Variants in PDE7A observed in about 807,000 individuals in gnomAD.
PDE7A encodes high affinity 3',5'-cyclic-AMP phosphodiesterase 7A.
A neutral mutation model predicts 64.3 loss-of-function variants in PDE7A; 39 were observed. The observed-to-expected ratio is 0.61, with a 90% CI of 0.47 to 0.79. The LOEUF (loss-of-function observed/expected upper bound fraction) is 0.79. PDE7A is among the 30% of genes least tolerant of loss of function. The probability of loss-of-function intolerance (pLI) is 0.00; values close to 1 mark genes in which losing one functional copy is unlikely to be tolerated. For missense variants in PDE7A, 470 were observed against 582.8 expected, an observed-to-expected ratio of 0.81 and a Z score of 1.99; for synonymous variants, 203 against 206.8, an observed-to-expected ratio of 0.98 and a Z score of 0.16.
At chr8:65,800,121 C>T (rs947653466) in intron 1 of PDE7A, among the ~76,000 whole-genome samples, 2 of 152,310 alleles carry the variant, frequency 1.3e-5, no homozygotes, top group African/African-American at 2.4e-5. Flanking sequence ...AAAATAACAT[C>T]TGAACATATG....
At chr8:65,775,155 T>C (rs1809224113) in intron 3 of PDE7A, among the ~76,000 whole-genome samples, 1 of 152,226 alleles carries the variant, frequency 6.6e-6, no homozygotes, top group Non-Finnish European at 1.5e-5. Flanking sequence ...CTCTTAGTTT[T>C]TGAGTATGCA....
intron 1 of PDE7A, among the ~76,000 whole-genome samples, chr8:65,820,425 A>C (rs1310880086): frequency 6.6e-6 from 1 of 152,178 alleles, no homozygotes; most frequent in Non-Finnish European, 1.5e-5. Flanking sequence ...ATATCCCCCA[A>C]AGCTATAAAA....
chr8:65,761,910 C>T (rs890298394), intron 3 of PDE7A, among the ~76,000 whole-genome samples: 3 of 152,188 alleles, frequency 2.0e-5, no homozygotes, highest in African/African-American at 7.2e-5. Context: ...TCCACAGATT[C>T]TTTTCTATCA....
At chr8:65,816,653 T>A (rs1339870759) in intron 1 of PDE7A, among the ~76,000 whole-genome samples, 3 of 152,262 alleles carry the variant, frequency 2.0e-5, no homozygotes, top group Non-Finnish European at 4.4e-5. Flanking sequence ...CTTCCAGCAC[T>A]TTGAATATGT....
intron 1 of PDE7A, among the ~76,000 whole-genome samples, chr8:65,799,708 G>T (rs1809944686): frequency 6.6e-6 from 1 of 152,158 alleles, no homozygotes; most frequent in Non-Finnish European, 1.5e-5. Context: ...GGGTCTCACG[G>T]CCTGGAAAGA....
At chr8:65,841,290 T>G in intron 1 of PDE7A, 81 bp downstream of exon 1, 1 of 1,357,818 alleles carries the variant, frequency 7.4e-7, no homozygotes, top group Non-Finnish European at 9.6e-7. Flanking sequence ...GGGCTGGGGG[T>G]TGTAGAGGAG....
chr8:65,784,979 CA>C (rs901516471), intron 1 of PDE7A, among the ~76,000 whole-genome samples: 62 of 148,388 alleles, frequency 4.2e-4, no homozygotes, highest in African/African-American at 1.1e-3. Flanking sequence ...TACAAATCTC[CA>C]AAAAAAAAAT....
chr8:65,814,812 C>G (rs1810356544), intron 1 of PDE7A, among the ~76,000 whole-genome samples: 1 of 152,060 alleles, frequency 6.6e-6, no homozygotes, highest in South Asian at 2.1e-4. Context: ...CGAGACCAGC[C>G]TGACCAACAT....
chr8:65,824,270 G>A lies in PDE7A; in HGVS notation c.138+17101C>T, dbSNP rs532887063. Among the ~76,000 whole-genome samples the A allele has an allele frequency of 7.2e-5, 11 of 152,220 alleles. No homozygotes were observed. The South Asian group carries it at 1.9e-3, about 26-fold the overall frequency. ...TGATACTATTGTAATTGTCTGGGGC[G>A]CCATGAAACTTGTCCACATAACACT... On this transcript the variant is annotated intron_variant, in intron 1 of 12. Transcript: ENST00000401827.
At chr8:65,747,319 G>A (rs571518236) in intron 4 of PDE7A, among the ~76,000 whole-genome samples, 3 of 152,220 alleles carry the variant, frequency 2.0e-5, no homozygotes, top group Admixed American at 2.0e-4. Context: ...GATGGAATAC[G>A]GACATGATTA....
At chr8:65,778,728 G>C (rs1361358232) in intron 3 of PDE7A, among the ~76,000 whole-genome samples, 1 of 152,168 alleles carries the variant, frequency 6.6e-6, no homozygotes, top group African/African-American at 2.4e-5. Flanking sequence ...ATGTCCCAGG[G>C]CTCTGTTTGC....
At position 65,715,996 on chromosome 8, in the gene PDE7A, CAAAAAAA is replaced by C. The variant is rs779701295; in HGVS notation, c.*3287_*3293del. 3.8e-4 allele frequency among the ~76,000 whole-genome samples: 13 copies of C among 33,868 alleles called. No homozygotes were observed. The highest frequency in any genetic ancestry group is 6.2e-4 in the Non-Finnish European group (13 of 21,118). 22.2% of individuals were successfully genotyped at this position (33,868 alleles called of 152,430 possible). Reference sequence around the variant, plus strand: ...TGGGCGACAGAGCAAGGCTCTGTCTCAAAAAAAAAAAAAAAAAAAAAAAAAAAAATTA... The same window carrying C: ...TGGGCGACAGAGCAAGGCTCTGTCTCAAAAAAAAAAAAAAAAAAAAAATTA... On this transcript the variant is annotated 3_prime_UTR_variant, in exon 13 of 13. Coordinates refer to ENST00000401827, the MANE Select transcript of PDE7A (RefSeq NM_001242318.3).
chr8:65,764,611 T>A lies in PDE7A; in HGVS notation c.283+15109A>T, dbSNP rs186844474. ...GGGAAAAGCACTAAAAGCTTCCAAATATAACAGAATCTACCCTTGTATGGG... is the reference window on the plus strand; with the variant it reads ...GGGAAAAGCACTAAAAGCTTCCAAAAATAACAGAATCTACCCTTGTATGGG... On this transcript the variant is annotated intron_variant, in intron 3 of 12. Transcript: ENST00000401827. 7.2e-5 allele frequency among the ~76,000 whole-genome samples: 11 copies of A among 152,298 alleles called. 1 individual carries two copies. Among genetic ancestry groups the A allele is most frequent in the South Asian group, 2.1e-4 (1 of 4,826 alleles).
intron 3 of PDE7A, among the ~76,000 whole-genome samples, chr8:65,775,115 A>G (rs1809221709): frequency 6.6e-6 from 1 of 152,140 alleles, no homozygotes. Context: ...TTCGATTCTT[A>G]TATTTTCTCT....
intron 1 of PDE7A, among the ~76,000 whole-genome samples, chr8:65,836,692 C>T (rs547248249): frequency 3.9e-5 from 6 of 152,266 alleles, no homozygotes; most frequent in African/African-American, 1.2e-4. Context: ...ATTGACAATA[C>T]CTCTGCTCTG....
intron 3 of PDE7A, among the ~76,000 whole-genome samples, chr8:65,759,050 A>C (rs1393057677): frequency 6.6e-6 from 1 of 152,234 alleles, no homozygotes; most frequent in East Asian, 1.9e-4. Context: ...ACACTGCTGC[A>C]GTACCCCCAG....
chr8:65,779,955 A>G, intron 2 of PDE7A, 152 bp from the exon 3 acceptor site: 2 of 418,784 alleles, frequency 4.8e-6, no homozygotes, highest in Non-Finnish European at 8.5e-6. Context: ...TGATTTATTC[A>G]AAAGGGTTCA....
chr8:65,760,175 G>C (rs1808423989), intron 3 of PDE7A, among the ~76,000 whole-genome samples: 1 of 152,156 alleles, frequency 6.6e-6, no homozygotes, highest in Non-Finnish European at 1.5e-5. Flanking sequence ...GGGAAGTAGA[G>C]GTTGCAGTGA....
intron 7 of PDE7A, among the ~76,000 whole-genome samples, chr8:65,733,626 A>G (rs1258156467): frequency 2.6e-5 from 4 of 152,168 alleles, no homozygotes; most frequent in Non-Finnish European, 4.4e-5. Context: ...CTCTTAGAGA[A>G]AAAAAAACAG....
Sources: allele counts gnomAD v4.1 joint callset (sites outside exome capture counted in the v4.1 genomes callset), GRCh38; gene constraint gnomAD v4.1.1; transcripts MANE v1.5; gene names NCBI Gene and HGNC (gene_info 2026-07-23, HGNC 2026-07-21).